KCNT2: variants seen among roughly 807,000 people sequenced by gnomAD.
The protein encoded by KCNT2 is potassium channel subfamily T member 2.
KCNT2 carries 67 observed loss-of-function variants against 153.8 expected under a neutral mutation model. The observed-to-expected ratio is 0.44, with a 90% CI of 0.36 to 0.53. The LOEUF (loss-of-function observed/expected upper bound fraction) is 0.53. Among genes scored for constraint, KCNT2 ranks in the 20% least tolerant of loss-of-function variants. KCNT2 has a pLI of 0.00. For missense variants in KCNT2, 975 were observed against 1,354.8 expected, an observed-to-expected ratio of 0.72 and a Z score of 4.40; for synonymous variants, 500 against 458.8, an observed-to-expected ratio of 1.09 and a Z score of -1.15.
Position 196,446,293 on chromosome 1 carries a change from G to A in KCNT2, c.639-16536C>T, listed in dbSNP as rs763691588. On this transcript the variant is annotated intron_variant, in intron 8 of 27. Transcript: ENST00000294725. ...TCTATACTTTTTCACTCCATGAGAC[G>A]CATTCAACTAAAAATAACATTTAAC... is the stretch of plus-strand genomic sequence containing the variant. 4.6e-5 allele frequency among the ~76,000 whole-genome samples: 7 copies of A among 151,352 alleles called. No homozygotes were observed. The South Asian group carries it at 1.0e-3, about 23-fold the overall frequency.
Position 196,318,992 on chromosome 1 carries a change from A to G in KCNT2, c.2348+492T>C, listed in dbSNP as rs147812394. Among the ~76,000 whole-genome samples, 974 of 151,910 alleles carry G rather than the reference A, an allele frequency of 6.4e-3. 7 individuals are homozygous for G. The highest frequency in any genetic ancestry group is 0.017 in the Middle Eastern group (5 of 294). The stretch of plus-strand genomic sequence containing the variant: ...TTGTATTTAATTACTAATGTATTAA[A>G]CACATATGACCTTTTCATTAACAAA... On this transcript the variant is annotated intron_variant, in intron 20 of 27. Coordinates refer to ENST00000294725, the MANE Select transcript of KCNT2 (RefSeq NM_198503.5).
At position 196,594,518 on chromosome 1, in the gene KCNT2, C is replaced by A. The variant is rs112568272; in HGVS notation, c.95+13697G>T. Among the ~76,000 whole-genome samples, 233 of 152,028 alleles carry A rather than the reference C, an allele frequency of 1.5e-3. 2 individuals carry two copies. The highest frequency in any genetic ancestry group is 5.4e-3 in the African/African-American group (225 of 41,482). On this transcript the variant is annotated intron_variant, in intron 1 of 27. Transcript: ENST00000294725. Reference sequence around the variant, plus strand: ...TACTACAGGACTAAAATTCTTGGAGCCTTTGTATGGACTACTTGCGTTAAA... The same window carrying A: ...TACTACAGGACTAAAATTCTTGGAGACTTTGTATGGACTACTTGCGTTAAA...
chr1:196,548,547 A>C (rs932518987), intron 1 of KCNT2, among the ~76,000 whole-genome samples: 2 of 152,008 alleles, frequency 1.3e-5, no homozygotes, highest in Non-Finnish European at 2.9e-5. Flanking sequence ...ACACTTTTAC[A>C]CTGTTGGTGG....
intron 26 of KCNT2, among the ~76,000 whole-genome samples, chr1:196,252,062 T>C (rs1558067652): frequency 6.6e-6 from 1 of 151,836 alleles, no homozygotes; most frequent in Non-Finnish European, 1.5e-5. Flanking sequence ...TAATTGTTAA[T>C]ATATTAGGGT....
chr1:196,368,083 G>A (rs1668192350), intron 14 of KCNT2, among the ~76,000 whole-genome samples: 1 of 152,152 alleles, frequency 6.6e-6, no homozygotes, highest in African/African-American at 2.4e-5. Flanking sequence ...TGAACCCATA[G>A]TTTTTAAGGT....
In KCNT2 at chr1:196,425,710, C is replaced by A. The variant is rs947485216; in HGVS notation, c.1121+142G>T. ...ATTTTTGACCTTTTAGTTTGGCCAG[C>A]AGAGGGACTAAGGCAAGAGTCTATA... On this transcript the variant is annotated intron_variant, in intron 11 of 27. Coordinates refer to ENST00000294725, the MANE Select transcript of KCNT2 (RefSeq NM_198503.5). 8 of 767,308 alleles carry A rather than the reference C, an allele frequency of 1.0e-5. No individual in the cohort carries two copies. In the South Asian group the frequency reaches 1.1e-4, roughly 10 times the overall value. 47.5% of individuals were successfully genotyped at this position (767,308 alleles called of 1,614,324 possible).
At chr1:196,415,422 T>G (rs1356377475) in intron 12 of KCNT2, among the ~76,000 whole-genome samples, 1 of 151,810 alleles carries the variant, frequency 6.6e-6, no homozygotes, top group Non-Finnish European at 1.5e-5. Flanking sequence ...CCAAGCAACG[T>G]GGTGTCCTGT....
At chr1:196,579,601 C>G (rs1437169961) in intron 1 of KCNT2, among the ~76,000 whole-genome samples, 1 of 151,954 alleles carries the variant, frequency 6.6e-6, no homozygotes, top group Non-Finnish European at 1.5e-5. Flanking sequence ...TCAAGTGATT[C>G]TCCTGCCTCA....
intron 8 of KCNT2, among the ~76,000 whole-genome samples, chr1:196,438,820 A>G (rs1674958659): frequency 6.6e-6 from 1 of 151,898 alleles, no homozygotes; most frequent in Non-Finnish European, 1.5e-5. Flanking sequence ...TGTAACTAAT[A>G]TCATGATATG....
intron 22 of KCNT2, among the ~76,000 whole-genome samples, chr1:196,298,943 C>G (rs1455836283): frequency 6.6e-6 from 1 of 151,496 alleles, no homozygotes; most frequent in Non-Finnish European, 1.5e-5. Flanking sequence ...CTCAGATTTT[C>G]ATTATTTTGC....
chr1:196,438,844 C>A (rs1187551510), intron 8 of KCNT2, among the ~76,000 whole-genome samples: 1 of 151,172 alleles, frequency 6.6e-6, no homozygotes. Context: ...ACATTTAAGA[C>A]CTAAATTTTA....
At position 196,328,815 on chromosome 1, in the gene KCNT2, G is replaced by A. The variant is rs116087935; in HGVS notation, c.2104-1926C>T. 3.7e-3 allele frequency among the ~76,000 whole-genome samples: 564 copies of A among 151,998 alleles called. 2 individuals are homozygous for A. The highest frequency in any genetic ancestry group is 0.013 in the African/African-American group (527 of 41,498). The stretch of plus-strand genomic sequence containing the variant: ...AGGAAACAGGAAAATGAATCCAGAA[G>A]GAAATTCTAAGGTATAAGAAAGAAT... On this transcript the variant is annotated intron_variant, in intron 18 of 27. Coordinates refer to ENST00000294725, the MANE Select transcript of KCNT2 (RefSeq NM_198503.5).
At chr1:196,598,509 C>T (rs1470728152) in intron 1 of KCNT2, among the ~76,000 whole-genome samples, 2 of 152,130 alleles carry the variant, frequency 1.3e-5, no homozygotes, top group Non-Finnish European at 2.9e-5. Context: ...TTCAAAAATT[C>T]CTTAACACTT....
At chr1:196,294,671 C>T (rs184335812) in intron 22 of KCNT2, among the ~76,000 whole-genome samples, 88 of 152,100 alleles carry the variant, frequency 5.8e-4, no homozygotes, top group Admixed American at 2.6e-3. Flanking sequence ...TTCAAATAAA[C>T]TGAAAAAGTA....
chr1:196,491,168 A>T (rs1422556039), intron 2 of KCNT2, among the ~76,000 whole-genome samples: 1 of 151,968 alleles, frequency 6.6e-6, no homozygotes, highest in Non-Finnish European at 1.5e-5. Context: ...TTGGCCTGGA[A>T]AGATAGGACT....
At chr1:196,429,480 T>A in intron 9 of KCNT2, 97 bp downstream of exon 9, 1 of 674,934 alleles carries the variant, frequency 1.5e-6, no homozygotes, top group East Asian at 2.8e-5. Flanking sequence ...TAAATTAGTG[T>A]TAGATAAATA....
intron 1 of KCNT2, among the ~76,000 whole-genome samples, chr1:196,525,756 T>C (rs1205049263): frequency 6.6e-6 from 1 of 152,250 alleles, no homozygotes; most frequent in African/African-American, 2.4e-5. Context: ...TACAGCCATG[T>C]TGGCCAGAAT....
chr1:196,413,565 T>TA (rs1377006471), intron 12 of KCNT2, among the ~76,000 whole-genome samples: 4 of 151,648 alleles, frequency 2.6e-5, no homozygotes, highest in East Asian at 1.9e-4. Flanking sequence ...TACCATCGTA[T>TA]AAAAAAAATT....
chr1:196,249,679 A>G (rs1477557383), intron 26 of KCNT2, among the ~76,000 whole-genome samples: 3 of 152,016 alleles, frequency 2.0e-5, no homozygotes, highest in Non-Finnish European at 2.9e-5. Context: ...AGGCTGAGGC[A>G]GGCAAATCAC....
Sources: gnomAD v4.1 joint callset for allele counts (sites outside exome capture counted in the v4.1 genomes callset) on GRCh38, gnomAD v4.1.1 for gene constraint, MANE v1.5 for transcripts, NCBI Gene and HGNC (gene_info 2026-07-23, HGNC 2026-07-21) for gene names.